KCNIP4: variants seen among roughly 807,000 people sequenced by gnomAD.
KCNIP4 encodes the protein potassium voltage-gated channel interacting protein 4, also known as Kv channel-interacting protein 4.
A neutral mutation model predicts 34.0 loss-of-function variants in KCNIP4; 12 were observed. The observed-to-expected ratio is 0.35, with a 90% CI of 0.23 to 0.57. KCNIP4 has a LOEUF of 0.57. KCNIP4 is among the 20% of genes least tolerant of loss of function. The probability of loss-of-function intolerance (pLI) is 0.83; values close to 1 mark genes in which losing one functional copy is unlikely to be tolerated. For synonymous variants in KCNIP4, 124 were observed against 102.2 expected, an observed-to-expected ratio of 1.21 and a Z score of -1.29; for missense variants, 238 against 311.7, an observed-to-expected ratio of 0.76 and a Z score of 1.78.
intron 1 of KCNIP4, among the ~76,000 whole-genome samples, chr4:21,124,270 A>C (rs2109145505): frequency 6.6e-6 from 1 of 152,286 alleles, no homozygotes; most frequent in Admixed American, 6.5e-5. Context: ...TCATGTATTA[A>C]TATTATTATG....
chr4:21,770,317 A>C (rs543967596), intron 1 of KCNIP4, among the ~76,000 whole-genome samples: 1 of 152,250 alleles, frequency 6.6e-6, no homozygotes, highest in South Asian at 2.1e-4. Context: ...TTATGGCTGC[A>C]TAGTATTCCA....
At chr4:21,680,217 C>T (rs947005775) in intron 1 of KCNIP4, among the ~76,000 whole-genome samples, 16 of 152,222 alleles carry the variant, frequency 1.1e-4, no homozygotes, top group African/African-American at 3.9e-4. Context: ...ACAGCATCTT[C>T]ATGAGGAGTA....
intron 1 of KCNIP4, among the ~76,000 whole-genome samples, chr4:21,652,870 C>A (rs1747614582): frequency 6.6e-6 from 1 of 152,086 alleles, no homozygotes; most frequent in African/African-American, 2.4e-5. Flanking sequence ...GAGAATAATG[C>A]AGTAGGATGT....
intron 1 of KCNIP4, among the ~76,000 whole-genome samples, chr4:21,772,650 T>C (rs1480141081): frequency 1.3e-5 from 2 of 152,068 alleles, no homozygotes; most frequent in African/African-American, 4.8e-5. Context: ...TTAGTCTTGG[T>C]AGGGTGTATT....
At chr4:20,737,483 C>T (rs900637200) in intron 5 of KCNIP4, among the ~76,000 whole-genome samples, 1 of 152,010 alleles carries the variant, frequency 6.6e-6, no homozygotes, top group Non-Finnish European at 1.5e-5. Context: ...TGGGGAGGAT[C>T]CAGAACATGG....
intron 1 of KCNIP4, among the ~76,000 whole-genome samples, chr4:21,170,589 G>C (rs1560778749): frequency 6.6e-6 from 1 of 152,084 alleles, no homozygotes; most frequent in Non-Finnish European, 1.5e-5. Context: ...GCCAAAACAA[G>C]CAATATCATA....
chr4:21,566,912 G>T (rs2109043424), intron 1 of KCNIP4, among the ~76,000 whole-genome samples: 2 of 152,138 alleles, frequency 1.3e-5, no homozygotes, highest in African/African-American at 2.4e-5. Context: ...AACTGCAAAA[G>T]GTAACACATC....
chr4:21,762,888 T>A, intron 1 of KCNIP4: 2 of 1,252,952 alleles, frequency 1.6e-6, no homozygotes, highest in East Asian at 5.7e-5. Context: ...GGGAGGGGGG[T>A]GTAGGTGGAT....
At chr4:21,512,548 A>G (rs1188362724) in intron 1 of KCNIP4, among the ~76,000 whole-genome samples, 1 of 152,160 alleles carries the variant, frequency 6.6e-6, no homozygotes, top group African/African-American at 2.4e-5. Context: ...ACAGTGTGGC[A>G]GCAGAGACTT....
intron 1 of KCNIP4, among the ~76,000 whole-genome samples, chr4:21,482,034 T>C (rs1731473090): frequency 6.6e-6 from 1 of 152,126 alleles, no homozygotes; most frequent in African/African-American, 2.4e-5. Flanking sequence ...TTAGCTCTTC[T>C]TGTCGAATTG....
intron 1 of KCNIP4, among the ~76,000 whole-genome samples, chr4:21,059,056 C>T (rs576201584): frequency 1.3e-5 from 2 of 152,228 alleles, no homozygotes; most frequent in African/African-American, 2.4e-5. Flanking sequence ...TAAGACGTCC[C>T]TTTGCTCTTC....
chr4:21,308,705 C>T (rs1287502498), intron 1 of KCNIP4, among the ~76,000 whole-genome samples: 2 of 106,626 alleles, frequency 1.9e-5, no homozygotes, highest in African/African-American at 6.4e-5. Context: ...GTGCCCCTGC[C>T]GTGTGAGTGT....
At chr4:21,862,967 AG>A (rs199718581) in intron 1 of KCNIP4, among the ~76,000 whole-genome samples, 46,681 of 138,812 alleles carry the variant, frequency 0.34, 9,155 homozygotes, top group Non-Finnish European at 0.45. Context: ...TCTCAAAAAA[AG>A]AAAAAAAAAG....
rs1756837160 is a variant in KCNIP4, at chr4:21,206,141, A to C, written c.62-323432T>G. 2.0e-5 allele frequency among the ~76,000 whole-genome samples: 3 copies of C among 152,312 alleles called. No individual in the cohort carries two copies. The South Asian group carries it at 6.2e-4, about 32-fold the overall frequency. ...CCTTTGCTTCCTGTCGCGTCTAGAT[A>C]AGCTTCACTCCATGACAGGTACCAA... On this transcript the variant is annotated intron_variant, in intron 1 of 8. Transcript: ENST00000382152.
intron 1 of KCNIP4, among the ~76,000 whole-genome samples, chr4:21,500,066 C>G (rs16871243): frequency 0.063 from 9,612 of 152,180 alleles, 382 homozygotes; most frequent in Admixed American, 0.071. Context: ...AGTTCACATA[C>G]AAAGTCAGTG....
intron 1 of KCNIP4, among the ~76,000 whole-genome samples, chr4:21,654,236 C>G (rs955895902): frequency 4.6e-5 from 7 of 152,168 alleles, no homozygotes; most frequent in Admixed American, 4.6e-4. Flanking sequence ...CTTCCCCAAA[C>G]CACACAGCCC....
At chr4:21,804,180 T>A (rs1038436989) in intron 1 of KCNIP4, among the ~76,000 whole-genome samples, 1 of 152,244 alleles carries the variant, frequency 6.6e-6, no homozygotes, top group Non-Finnish European at 1.5e-5. Flanking sequence ...GGTATCTTAG[T>A]AGTTTTCATT....
intron 1 of KCNIP4, among the ~76,000 whole-genome samples, chr4:21,501,719 T>TG (rs1272906918): frequency 1.3e-5 from 2 of 149,016 alleles, no homozygotes; most frequent in Non-Finnish European, 3.0e-5. Context: ...TGTGTGTGCG[T>TG]TGGAAGGGGC....
At chr4:21,855,373 T>C (rs572314274) in intron 1 of KCNIP4, among the ~76,000 whole-genome samples, 140 of 152,212 alleles carry the variant, frequency 9.2e-4, no homozygotes, top group Non-Finnish European at 1.7e-3. Context: ...TTCATCTTTG[T>C]TTTCCAGTGT....
Sources: allele counts gnomAD v4.1 joint callset (sites outside exome capture counted in the v4.1 genomes callset), GRCh38; gene constraint gnomAD v4.1.1; transcripts MANE v1.5; gene names NCBI Gene and HGNC (gene_info 2026-07-23, HGNC 2026-07-21).